ARL13B: variants seen among roughly 807,000 people sequenced by gnomAD.
ARL13B encodes ADP-ribosylation factor-like protein 13B.
In ARL13B, 36 loss-of-function variants were observed where a neutral mutation model predicts 56.1. That is an observed-to-expected ratio of 0.64 (90% CI 0.49 to 0.85). ARL13B has a LOEUF of 0.85. Among genes scored for constraint, ARL13B ranks in the 40% least tolerant of loss-of-function variants. The probability of loss-of-function intolerance (pLI) is 0.00; values close to 1 mark genes in which losing one functional copy is unlikely to be tolerated. For missense variants in ARL13B, 519 were observed against 507.1 expected (o/e 1.02, Z -0.23); for synonymous variants, 178 against 171.1 (o/e 1.04, Z -0.32).
intron 1 of ARL13B, among the ~76,000 whole-genome samples, chr3:93,983,994 C>A (rs1460430158): frequency 6.6e-6 from 1 of 152,162 alleles, no homozygotes; most frequent in African/African-American, 2.4e-5. Context: ...TAGTCAGTTA[C>A]CACATATTTT....
intron 3 of ARL13B, among the ~76,000 whole-genome samples, chr3:94,030,313 G>T (rs2076652404): frequency 6.6e-6 from 1 of 151,626 alleles, no homozygotes; most frequent in African/African-American, 2.4e-5. Context: ...TGCAACCTCT[G>T]CCTCCTGGGT....
chr3:94,015,161 G>A, intron 3 of ARL13B: 2 of 1,613,914 alleles, frequency 1.2e-6, no homozygotes, highest in African/African-American at 1.3e-5. Flanking sequence ...ATAACAGCTT[G>A]CTGTAGAAAC....
At chr3:93,989,255 A>G (rs572041630) in intron 1 of ARL13B, among the ~76,000 whole-genome samples, 19 of 152,304 alleles carry the variant, frequency 1.2e-4, no homozygotes, top group African/African-American at 4.3e-4. Context: ...TATGTATTTT[A>G]ATTTTACTTA....
In ARL13B at chr3:94,042,005, C is replaced by T. The variant is rs369738124; in HGVS notation, c.799-1010C>T. Among the ~76,000 whole-genome samples the T allele has an allele frequency of 5.3e-5, 8 of 152,044 alleles. No individual in the cohort carries two copies. In the South Asian group the frequency reaches 1.0e-3, roughly 20 times the overall value. ...TGGAGGGGTGGAGGTTGCAGTGAGC[C>T]GAGATCGTGCCACTGCACTCCAGCC... On this transcript the variant is annotated intron_variant, in intron 6 of 9. Coordinates refer to ENST00000394222, the MANE Select transcript of ARL13B (RefSeq NM_001174150.2).
intron 1 of ARL13B, among the ~76,000 whole-genome samples, chr3:93,991,105 G>A (rs1415103645): frequency 6.6e-6 from 1 of 152,158 alleles, no homozygotes; most frequent in African/African-American, 2.4e-5. Flanking sequence ...GCATTTTTGT[G>A]TCCACAATGC....
chr3:94,006,609 G>A (rs981409678), intron 3 of ARL13B, among the ~76,000 whole-genome samples: 5 of 152,090 alleles, frequency 3.3e-5, no homozygotes, highest in African/African-American at 1.2e-4. Flanking sequence ...TACACTGCCA[G>A]CAGTTCTTTT....
At chr3:94,000,585 T>C (rs1195801993) in intron 2 of ARL13B, among the ~76,000 whole-genome samples, 1 of 151,928 alleles carries the variant, frequency 6.6e-6, no homozygotes, top group Non-Finnish European at 1.5e-5. Flanking sequence ...GTTACTCATA[T>C]ATATATTTAT....
chr3:94,010,983 TATC>T (rs982709358), intron 3 of ARL13B, among the ~76,000 whole-genome samples: 6 of 152,062 alleles, frequency 3.9e-5, no homozygotes, highest in African/African-American at 1.4e-4. Context: ...CTGTGGAGTT[TATC>T]ATCTTTTAAG....
chr3:93,986,303 A>G (rs1027951105), intron 1 of ARL13B, among the ~76,000 whole-genome samples: 7 of 152,134 alleles, frequency 4.6e-5, no homozygotes, highest in African/African-American at 9.7e-5. Context: ...CCTTCTCACT[A>G]TTTATTCATA....
chr3:93,995,835 T>A (rs1450483791), intron 1 of ARL13B, 39 bp from the exon 2 acceptor site: 5 of 1,551,872 alleles, frequency 3.2e-6, no homozygotes, highest in Non-Finnish European at 3.5e-6. Context: ...AATACTAAAT[T>A]AACAAAGAAA....
chr3:94,003,798 T>C lies in ARL13B; in HGVS notation c.270T>C (p.Tyr90=), dbSNP rs753336861. 1.6e-5 allele frequency: 26 copies of C among 1,613,574 alleles called. No individual in the cohort carries two copies. The Admixed American group carries it at 4.2e-4, about 26-fold the overall frequency. Residue 90 remains tyrosine (Y), a synonymous_variant, in exon 3 of 10, where the codon TAT becomes TAC. Transcript: ENST00000394222. Reference sequence around the variant, plus strand: ...GGAAGAATTACTATGCTGAATCCTATGGGGTAATATTTGTTGTGGATTCCA... The same window carrying C: ...GGAAGAATTACTATGCTGAATCCTACGGGGTAATATTTGTTGTGGATTCCA... ...GIWKNYYAES[Y]GVIFVVDSSD...
At chr3:94,032,717 C>T (rs1457302302) in intron 3 of ARL13B, among the ~76,000 whole-genome samples, 1 of 151,988 alleles carries the variant, frequency 6.6e-6, no homozygotes, top group Admixed American at 6.6e-5. Flanking sequence ...AGGATGGTCT[C>T]GATCTCCTGA....
At chr3:94,033,359 C>T (rs2107099762) in intron 3 of ARL13B, among the ~76,000 whole-genome samples, 1 of 152,184 alleles carries the variant, frequency 6.6e-6, no homozygotes, top group East Asian at 1.9e-4. Context: ...CAAAACTGCA[C>T]TCATAATCCT....
Position 93,980,378 on chromosome 3 carries a change from G to T in ARL13B, c.-46G>T. ...CCCCGGGGAAGAGCGGGGTGCCGGT[G>T]TCCGCTCCGGGCTCGGATGGGAAGT... On this transcript the variant is annotated 5_prime_UTR_variant, in exon 1 of 10. Coordinates refer to ENST00000394222, the MANE Select transcript of ARL13B (RefSeq NM_001174150.2). The T allele has an allele frequency of 6.2e-7, 1 of 1,607,288 alleles. No individual in the cohort carries two copies. Among genetic ancestry groups the T allele is most frequent in the Non-Finnish European group, 8.5e-7 (1 of 1,178,912 alleles).
intron 7 of ARL13B, among the ~76,000 whole-genome samples, chr3:94,045,647 A>C (rs985374052): frequency 6.6e-6 from 1 of 152,016 alleles, no homozygotes; most frequent in Non-Finnish European, 1.5e-5. Context: ...TTAAAGACTC[A>C]TACTACCCAA....
intron 7 of ARL13B, among the ~76,000 whole-genome samples, chr3:94,043,896 G>A (rs555614144): frequency 6.6e-6 from 1 of 151,166 alleles, no homozygotes; most frequent in East Asian, 2.0e-4. Context: ...GGCCTTGGGT[G>A]ATCCGCCCAC....
At chr3:93,988,983 G>A in intron 1 of ARL13B, 1 of 299,386 alleles carries the variant, frequency 3.3e-6, no homozygotes, top group South Asian at 3.1e-5. Flanking sequence ...GGCACCTGTG[G>A]GCCACGGAGC....
chr3:94,020,638 T>G (rs1480837432), intron 3 of ARL13B, among the ~76,000 whole-genome samples: 1 of 152,104 alleles, frequency 6.6e-6, no homozygotes, highest in Non-Finnish European at 1.5e-5. Context: ...GGAAAAGGTG[T>G]TTTATAGATA....
chr3:94,008,877 A>G (rs973693685), intron 3 of ARL13B, among the ~76,000 whole-genome samples: 1 of 152,102 alleles, frequency 6.6e-6, no homozygotes, highest in African/African-American at 2.4e-5. Context: ...AGTTACATGA[A>G]CTACCTTAAC....
Sources: allele counts gnomAD v4.1 joint callset (sites outside exome capture counted in the v4.1 genomes callset), GRCh38; gene constraint gnomAD v4.1.1; transcripts MANE v1.5; gene names NCBI Gene and HGNC (gene_info 2026-07-23, HGNC 2026-07-21).